CAPZB: variants seen among roughly 807,000 people sequenced by gnomAD.
The protein encoded by CAPZB is capping actin protein of muscle Z-line subunit beta.
Under a neutral mutation model 38.1 loss-of-function variants are expected in CAPZB, and 2 were observed. That is an observed-to-expected ratio of 0.05 (90% CI 0.02 to 0.17). The LOEUF (loss-of-function observed/expected upper bound fraction) is 0.17, where lower values mean the gene tolerates loss of function less well. Among genes scored for constraint, CAPZB ranks in the 10% least tolerant of loss-of-function variants. The pLI is 1.00. For synonymous variants in CAPZB, 107 were observed against 127.4 expected (o/e 0.84, Z 1.08); for missense variants, 161 against 334.2 (o/e 0.48, Z 4.04).
At chr1:19,411,413 T>C (rs1418161043) in intron 2 of CAPZB, among the ~76,000 whole-genome samples, 1 of 152,184 alleles carries the variant, frequency 6.6e-6, no homozygotes, top group Non-Finnish European at 1.5e-5. Flanking sequence ...TTCAAAATAG[T>C]TGGCTTTGGA....
At chr1:19,358,051 C>A (rs1056360659) in intron 4 of CAPZB, among the ~76,000 whole-genome samples, 1 of 152,232 alleles carries the variant, frequency 6.6e-6, no homozygotes, top group East Asian at 1.9e-4. Context: ...TCTTTCGGAG[C>A]AACCTCCTAC....
At chr1:19,379,659 T>C (rs969355156) in intron 3 of CAPZB, among the ~76,000 whole-genome samples, 1 of 152,114 alleles carries the variant, frequency 6.6e-6, no homozygotes, top group Non-Finnish European at 1.5e-5. Context: ...TGCTAAGTAA[T>C]GAGAACCAGT....
chr1:19,440,513 A>G (rs1013466806), intron 1 of CAPZB, among the ~76,000 whole-genome samples: 2 of 152,214 alleles, frequency 1.3e-5, no homozygotes, highest in African/African-American at 4.8e-5. Context: ...ACTCCAGACC[A>G]GCCTAAGGCC....
At chr1:19,405,927 C>G (rs1190101696) in intron 2 of CAPZB, among the ~76,000 whole-genome samples, 1 of 152,226 alleles carries the variant, frequency 6.6e-6, no homozygotes, top group African/African-American at 2.4e-5. Context: ...CACCCCCTCT[C>G]CTGTACACAA....
chr1:19,476,763 C>A (rs192315741), intron 1 of CAPZB, among the ~76,000 whole-genome samples: 8 of 152,368 alleles, frequency 5.3e-5, no homozygotes, highest in Admixed American at 4.6e-4. Flanking sequence ...AAAGTTCCAT[C>A]TCCTTGCATT....
chr1:19,463,681 G>A (rs1311285864), intron 1 of CAPZB, among the ~76,000 whole-genome samples: 1 of 152,090 alleles, frequency 6.6e-6, no homozygotes, highest in African/African-American at 2.4e-5. Flanking sequence ...CACACTCCAG[G>A]AGCCAGGAAG....
intron 2 of CAPZB, among the ~76,000 whole-genome samples, chr1:19,403,622 A>G (rs940211845): frequency 1.3e-5 from 2 of 152,236 alleles, no homozygotes; most frequent in Non-Finnish European, 2.9e-5. Context: ...CATTTTGGCA[A>G]GACTACTCTG....
intron 8 of CAPZB, 47 bp from the exon 9 acceptor site, chr1:19,339,664 G>T: frequency 7.2e-7 from 1 of 1,391,298 alleles, no homozygotes; most frequent in South Asian, 1.2e-5. Flanking sequence ...AGGGACTGGT[G>T]AGGCGGTGGA....
At chr1:19,405,933 C>T (rs988187259) in intron 2 of CAPZB, among the ~76,000 whole-genome samples, 1 of 152,226 alleles carries the variant, frequency 6.6e-6, no homozygotes, top group Admixed American at 6.5e-5. Context: ...CTCTCCTGTA[C>T]ACAAAGCCTC....
At chr1:19,422,738 C>CAACAACAAT (rs1453116655) in intron 1 of CAPZB, among the ~76,000 whole-genome samples, 1 of 89,618 alleles carries the variant, frequency 1.1e-5, no homozygotes, top group Non-Finnish European at 2.5e-5. Context: ...AAAACAACAA[C>CAACAACAAT]AACAACAACA....
intron 2 of CAPZB, among the ~76,000 whole-genome samples, chr1:19,396,337 G>A (rs1345330490): frequency 6.6e-6 from 1 of 152,190 alleles, no homozygotes; most frequent in Admixed American, 6.5e-5. Flanking sequence ...TGGGAAGCAA[G>A]TTCTCAGCAC....
At chr1:19,418,045 A>T (rs903214715) in intron 2 of CAPZB, among the ~76,000 whole-genome samples, 23 of 140,918 alleles carry the variant, frequency 1.6e-4, no homozygotes, top group African/African-American at 6.0e-4. Context: ...CTGAGGCAGG[A>T]GGATTGCTTG....
intron 1 of CAPZB, among the ~76,000 whole-genome samples, chr1:19,466,909 T>G (rs550627071): frequency 6.6e-6 from 1 of 151,628 alleles, no homozygotes; most frequent in South Asian, 2.1e-4. Context: ...AAGTTTTTTG[T>G]TTTTGTTTTT....
intron 4 of CAPZB, among the ~76,000 whole-genome samples, chr1:19,365,484 C>T (rs2094078633): frequency 1.3e-5 from 2 of 152,110 alleles, no homozygotes; most frequent in Admixed American, 1.3e-4. Context: ...TGATGGTCCA[C>T]CAGGAAGGAG....
At chr1:19,431,242 A>G (rs926144548) in intron 1 of CAPZB, among the ~76,000 whole-genome samples, 3 of 152,254 alleles carry the variant, frequency 2.0e-5, no homozygotes, top group Admixed American at 6.5e-5. Flanking sequence ...TGAGGCTCCA[A>G]CGAGCATATC....
At position 19,484,541 on chromosome 1, in the gene CAPZB, C is replaced by T; in HGVS notation, c.3+895G>A. 3 of 1,304,768 alleles carry T rather than the reference C, an allele frequency of 2.3e-6. No individual in the cohort carries two copies. The Admixed American group carries it at 9.6e-5, about 42-fold the overall frequency. 80.8% of individuals were successfully genotyped at this position (1,304,768 alleles called of 1,614,324 possible). ...CCGATGCCCGCCCTTCCCTCGCTGG[C>T]TCCTAGGCGGCCTCCCTAGAAGCGG... On this transcript the variant is annotated intron_variant, in intron 1 of 8. Coordinates refer to ENST00000264202, the MANE Select transcript of CAPZB (RefSeq NM_004930.5).
At chr1:19,422,609 C>A (rs4912089) in intron 1 of CAPZB, among the ~76,000 whole-genome samples, 8 of 151,684 alleles carry the variant, frequency 5.3e-5, no homozygotes, top group African/African-American at 1.9e-4. Context: ...TGGTGGCGGG[C>A]GCCTGTAGTT....
rs2094394219 is a variant in CAPZB, at chr1:19,419,768, C to A, written c.4-18G>T. The A allele has an allele frequency of 2.9e-6, 4 of 1,390,182 alleles. No homozygotes were observed. The highest frequency in any genetic ancestry group is 4.0e-6 in the Non-Finnish European group (4 of 996,810). 86.1% of individuals were successfully genotyped at this position (1,390,182 alleles called of 1,614,324 possible). ...TGATCACTCTGTGGAGGGAGAAATA[C>A]AAGTGCGTCAGTCATTTTTGCCAGA... On this transcript the variant is annotated intron_variant, in intron 1 of 8. Transcript: ENST00000264202.
intron 1 of CAPZB, among the ~76,000 whole-genome samples, chr1:19,422,664 G>A (rs751249123): frequency 3.3e-5 from 5 of 152,002 alleles, no homozygotes; most frequent in Non-Finnish European, 5.9e-5. Context: ...ATGAACCCGG[G>A]AGGCAGAGCT....
Sources: allele counts gnomAD v4.1 joint callset (sites outside exome capture counted in the v4.1 genomes callset), GRCh38; gene constraint gnomAD v4.1.1; transcripts MANE v1.5; gene names NCBI Gene and HGNC (gene_info 2026-07-23, HGNC 2026-07-21).